EFNA5: variants seen among roughly 807,000 people sequenced by gnomAD.
The protein encoded by EFNA5 is ephrin-A5.
Under a neutral mutation model 22.9 loss-of-function variants are expected in EFNA5, and 5 were observed. That is an observed-to-expected ratio of 0.22 (90% CI 0.11 to 0.46). The LOEUF is 0.46. EFNA5 is among the 20% of genes least tolerant of loss of function. The pLI, the probability that EFNA5 is intolerant of heterozygous loss-of-function variation, is 0.99. For missense variants in EFNA5, 237 were observed against 293.3 expected, an observed-to-expected ratio of 0.81 and a Z score of 1.40; for synonymous variants, 113 against 112.2, an observed-to-expected ratio of 1.01 and a Z score of -0.04.
intron 1 of EFNA5, among the ~76,000 whole-genome samples, chr5:107,502,763 C>T (rs573420180): frequency 1.3e-3 from 192 of 152,192 alleles, no homozygotes; most frequent in Non-Finnish European, 2.2e-3. Flanking sequence ...CAGGATGGAA[C>T]GACTCGCAGG....
At chr5:107,398,439 G>T (rs1580424045) in intron 2 of EFNA5, among the ~76,000 whole-genome samples, 5 of 152,162 alleles carry the variant, frequency 3.3e-5, no homozygotes. Flanking sequence ...TCCCCCAAAG[G>T]CAGGAGCCAT....
At chr5:107,580,586 G>A (rs1378208810) in intron 1 of EFNA5, among the ~76,000 whole-genome samples, 3 of 151,954 alleles carry the variant, frequency 2.0e-5, no homozygotes, top group South Asian at 2.1e-4. Context: ...AGCCGGGCAT[G>A]GTGGCGGGAG....
intron 2 of EFNA5, among the ~76,000 whole-genome samples, chr5:107,414,721 TAAAC>T (rs1466840253): frequency 2.0e-5 from 3 of 152,164 alleles, no homozygotes; most frequent in Non-Finnish European, 2.9e-5. Flanking sequence ...ACTTTAATAA[TAAAC>T]TAACACATTG....
intron 1 of EFNA5, among the ~76,000 whole-genome samples, chr5:107,582,326 C>A (rs1203219517): frequency 6.6e-6 from 1 of 152,084 alleles, no homozygotes; most frequent in Non-Finnish European, 1.5e-5. Context: ...TGAATTGTTC[C>A]ACATATCTAC....
chr5:107,468,438 C>T (rs1405362144), intron 1 of EFNA5, among the ~76,000 whole-genome samples: 2 of 152,190 alleles, frequency 1.3e-5, no homozygotes, highest in South Asian at 2.1e-4. Context: ...TGCAGTTCCT[C>T]ACTTGACAGT....
rs76767595 is a variant in EFNA5, at chr5:107,426,621, G to C, written c.418+596C>G. The stretch of plus-strand genomic sequence containing the variant: ...AGTTTTAGAGCTCTCCCAGGACAGA[G>C]TCACTCAATGCTCACAGGTCGGAAA... On this transcript the variant is annotated intron_variant, in intron 2 of 4. Coordinates refer to ENST00000333274, the MANE Select transcript of EFNA5 (RefSeq NM_001962.3). Among the ~76,000 whole-genome samples, 432 of 152,350 alleles carry C rather than the reference G, an allele frequency of 2.8e-3. 2 individuals carry two copies. The highest frequency in any genetic ancestry group is 9.8e-3 in the African/African-American group (407 of 41,574).
chr5:107,430,762 ATTTCTTTC>A (rs201449149), intron 1 of EFNA5, among the ~76,000 whole-genome samples: 4 of 122,354 alleles, frequency 3.3e-5, no homozygotes, highest in African/African-American at 9.4e-5. Context: ...AGCAATTATT[ATTTCTTTC>A]TTTCTTTTTT....
chr5:107,561,431 C>T (rs554131795), intron 1 of EFNA5, among the ~76,000 whole-genome samples: 3 of 152,228 alleles, frequency 2.0e-5, no homozygotes, highest in African/African-American at 7.2e-5. Flanking sequence ...TGCAATGGCG[C>T]TATCTTGGCC....
intron 1 of EFNA5, among the ~76,000 whole-genome samples, chr5:107,491,121 G>C (rs1481874515): frequency 6.6e-6 from 1 of 152,188 alleles, no homozygotes; most frequent in Non-Finnish European, 1.5e-5. Context: ...AATGTTCAGA[G>C]ACTCTTGGCT....
chr5:107,663,897 G>A (rs1367812535), intron 1 of EFNA5, among the ~76,000 whole-genome samples: 1 of 152,050 alleles, frequency 6.6e-6, no homozygotes, highest in African/African-American at 2.4e-5. Context: ...CCTGTCAACT[G>A]TCAATTGTAT....
intron 1 of EFNA5, among the ~76,000 whole-genome samples, chr5:107,641,280 C>T (rs542003438): frequency 6.6e-6 from 1 of 151,648 alleles, no homozygotes. Flanking sequence ...ATCACTTGAA[C>T]CCAGGAGGCA....
In EFNA5 at chr5:107,602,806, G is replaced by C. The variant is rs188497568; in HGVS notation, c.125+67683C>G. ...CCCAGTCGTTAGACGTGGCAGAGGA[G>C]AATAGAAATGATCACAAAGGAGGAA... On this transcript the variant is annotated intron_variant, in intron 1 of 4. Coordinates refer to ENST00000333274, the MANE Select transcript of EFNA5 (RefSeq NM_001962.3). Among the ~76,000 whole-genome samples, 4 of 149,318 alleles carry C rather than the reference G, an allele frequency of 2.7e-5. No homozygotes were observed. The Admixed American group carries it at 2.7e-4, about 10-fold the overall frequency.
intron 2 of EFNA5, among the ~76,000 whole-genome samples, chr5:107,414,275 T>G (rs963351479): frequency 1.6e-4 from 25 of 152,336 alleles, no homozygotes; most frequent in African/African-American, 6.0e-4. Context: ...AAATTCCACC[T>G]TGTCCCTCAA....
At chr5:107,505,697 G>A (rs1181371127) in intron 1 of EFNA5, among the ~76,000 whole-genome samples, 2 of 152,178 alleles carry the variant, frequency 1.3e-5, no homozygotes, top group South Asian at 2.1e-4. Context: ...AATATTCATT[G>A]GGTACCTCCT....
At chr5:107,500,871 TA>T (rs5870265) in intron 1 of EFNA5, among the ~76,000 whole-genome samples, 2 of 149,482 alleles carry the variant, frequency 1.3e-5, no homozygotes, top group Admixed American at 6.7e-5. Flanking sequence ...AAATATTCAT[TA>T]AAAAAAAACA....
At chr5:107,506,844 T>C (rs1020767214) in intron 1 of EFNA5, among the ~76,000 whole-genome samples, 9 of 152,168 alleles carry the variant, frequency 5.9e-5, no homozygotes, top group African/African-American at 2.2e-4. Flanking sequence ...GCTGAAACAT[T>C]CACCACCTGC....
intron 2 of EFNA5, among the ~76,000 whole-genome samples, chr5:107,398,276 G>C (rs1440566907): frequency 6.6e-6 from 1 of 151,936 alleles, no homozygotes; most frequent in Non-Finnish European, 1.5e-5. Flanking sequence ...ACTTCCTCTG[G>C]CCACTTGAGG....
intron 2 of EFNA5, among the ~76,000 whole-genome samples, chr5:107,390,631 C>T (rs903822973): frequency 7.9e-5 from 12 of 151,858 alleles, no homozygotes; most frequent in African/African-American, 2.7e-4. Flanking sequence ...AGATACATCA[C>T]TTTGTCATGG....
At chr5:107,494,582 G>A (rs1347185770) in intron 1 of EFNA5, among the ~76,000 whole-genome samples, 1 of 152,232 alleles carries the variant, frequency 6.6e-6, no homozygotes, top group Non-Finnish European at 1.5e-5. Context: ...AGGAGTGCAG[G>A]CACACGGCAC....
Sources: allele counts gnomAD v4.1 joint callset (sites outside exome capture counted in the v4.1 genomes callset), GRCh38; gene constraint gnomAD v4.1.1; transcripts MANE v1.5; gene names NCBI Gene and HGNC (gene_info 2026-07-23, HGNC 2026-07-21).